Variants in CSMD1 observed in about 807,000 individuals in gnomAD.
CSMD1 encodes CUB and Sushi multiple domains 1.
CSMD1 carries 213 observed loss-of-function variants against 417.5 expected under a neutral mutation model. That is an observed-to-expected ratio of 0.51 (90% CI 0.46 to 0.57). The LOEUF is 0.57. Ranked by LOEUF, CSMD1 falls within the 20% of genes least tolerant of loss-of-function variation. The pLI is 0.00. For missense variants in CSMD1, 6,923 were observed against 4,529.7 expected (o/e 1.53, Z -15.17); for synonymous variants, 2,862 against 1,736.8 (o/e 1.65, Z -16.11).
intron 5 of CSMD1, among the ~76,000 whole-genome samples, chr8:3,820,639 A>T (rs117244857): frequency 0.013 from 1,905 of 152,314 alleles, 18 homozygotes; most frequent in Non-Finnish European, 0.016. Context: ...GTAGTGGCGT[A>T]ATCTCGGCTC....
chr8:3,610,052 A>G (rs1801815447), intron 8 of CSMD1, among the ~76,000 whole-genome samples: 2 of 151,830 alleles, frequency 1.3e-5, no homozygotes, highest in African/African-American at 2.4e-5. Context: ...CACCCACCTT[A>G]GCCTACAGCA....
intron 5 of CSMD1, among the ~76,000 whole-genome samples, chr8:3,867,497 C>A (rs1056346502): frequency 6.6e-6 from 1 of 152,020 alleles, no homozygotes; most frequent in Admixed American, 6.6e-5. Context: ...AAGAGGGTGT[C>A]AGAATAAAAC....
intron 3 of CSMD1, among the ~76,000 whole-genome samples, chr8:4,381,961 G>C (rs942937900): frequency 2.6e-5 from 4 of 152,088 alleles, no homozygotes; most frequent in African/African-American, 7.2e-5. Context: ...ACTGCACTAA[G>C]TGGACACTCT....
rs1373841836 is a variant in CSMD1, at chr8:3,623,695, G to A, written c.1010-6898C>T. On this transcript the variant is annotated intron_variant, in intron 7 of 69. Coordinates refer to ENST00000635120, the MANE Select transcript of CSMD1 (RefSeq NM_033225.6). Reference sequence around the variant, plus strand: ...GAGTTAAGAATGAGCTGACTCCAGGGCCGGGCGTGGGGGCTCATGCCTGTA... The same window carrying A: ...GAGTTAAGAATGAGCTGACTCCAGGACCGGGCGTGGGGGCTCATGCCTGTA... 4.6e-5 allele frequency among the ~76,000 whole-genome samples: 7 copies of A among 152,234 alleles called. No homozygotes were observed. In the South Asian group the frequency reaches 1.5e-3, roughly 32 times the overall value.
At chr8:4,419,749 G>T (rs1273203608) in intron 3 of CSMD1, among the ~76,000 whole-genome samples, 1 of 152,136 alleles carries the variant, frequency 6.6e-6, no homozygotes, top group African/African-American at 2.4e-5. Flanking sequence ...GTGATAAGAA[G>T]AAAATTGTGA....
chr8:3,227,433 G>T (rs17079664), intron 27 of CSMD1, among the ~76,000 whole-genome samples: 14,579 of 152,042 alleles, frequency 0.096, 889 homozygotes, highest in East Asian at 0.17. Flanking sequence ...TTAAAAGTCC[G>T]AGAAATATGC....
intron 5 of CSMD1, among the ~76,000 whole-genome samples, chr8:3,941,216 A>G (rs955707618): frequency 6.6e-6 from 1 of 152,152 alleles, no homozygotes; most frequent in African/African-American, 2.4e-5. Flanking sequence ...GAACAATTCA[A>G]AAGTTCCTAG....
At chr8:4,650,347 GA>G (rs61642390) in intron 1 of CSMD1, among the ~76,000 whole-genome samples, 6,934 of 78,268 alleles carry the variant, frequency 0.089, 181 homozygotes, top group Middle Eastern at 0.15. Context: ...TCCGTCTCAA[GA>G]AAAAAAAAAA....
At chr8:3,491,545 G>C (rs1246877206) in intron 11 of CSMD1, among the ~76,000 whole-genome samples, 1 of 152,142 alleles carries the variant, frequency 6.6e-6, no homozygotes, top group Non-Finnish European at 1.5e-5. Flanking sequence ...AGTTGGAATG[G>C]GCCAGCAGGA....
chr8:4,572,147 G>A (rs185184449), intron 2 of CSMD1, among the ~76,000 whole-genome samples: 4 of 152,288 alleles, frequency 2.6e-5, no homozygotes, highest in African/African-American at 7.2e-5. Flanking sequence ...GTGTGAATTC[G>A]AACCTGTCAT....
At chr8:3,045,891 G>A (rs969815669) in intron 50 of CSMD1, among the ~76,000 whole-genome samples, 1 of 152,100 alleles carries the variant, frequency 6.6e-6, no homozygotes, top group Admixed American at 6.5e-5. Flanking sequence ...ATTAACTTGT[G>A]TAAAGCTATT....
intron 3 of CSMD1, among the ~76,000 whole-genome samples, chr8:4,285,764 T>G (rs1238274299): frequency 6.6e-6 from 1 of 152,180 alleles, no homozygotes; most frequent in Non-Finnish European, 1.5e-5. Context: ...CAAAATAGCT[T>G]TGTTAAGACA....
chr8:4,774,362 T>A (rs939419824), intron 1 of CSMD1, among the ~76,000 whole-genome samples: 1 of 152,122 alleles, frequency 6.6e-6, no homozygotes, highest in South Asian at 2.1e-4. Flanking sequence ...ATGAGTAAGA[T>A]CAGAGAACCA....
At chr8:3,643,440 C>G (rs953216783) in intron 7 of CSMD1, among the ~76,000 whole-genome samples, 1 of 152,110 alleles carries the variant, frequency 6.6e-6, no homozygotes, top group African/African-American at 2.4e-5. Context: ...CCGTGGCTCA[C>G]GCCTGTAATC....
intron 5 of CSMD1, among the ~76,000 whole-genome samples, chr8:3,758,637 T>C (rs1381812977): frequency 6.6e-6 from 1 of 152,212 alleles, no homozygotes; most frequent in Non-Finnish European, 1.5e-5. Flanking sequence ...AATTGTGAAC[T>C]CTCTAACAAC....
At position 4,640,734 on chromosome 8, in the gene CSMD1, C is replaced by T. The variant is rs376778881; in HGVS notation, c.86-3176G>A. ...TTCAACATGTTGTTTAACATGAATC[C>T]CTTGTAAGTACCTTTGTAATTTGTA... On this transcript the variant is annotated intron_variant, in intron 1 of 69. Transcript: ENST00000635120. Among the ~76,000 whole-genome samples the T allele has an allele frequency of 3.4e-4, 51 of 151,654 alleles. 1 individual carries two copies. Among genetic ancestry groups the T allele is most frequent in the South Asian group, 1.9e-3 (9 of 4,804 alleles).
intron 6 of CSMD1, among the ~76,000 whole-genome samples, chr8:3,712,077 G>A (rs1801540140): frequency 6.6e-6 from 1 of 152,140 alleles, no homozygotes; most frequent in Non-Finnish European, 1.5e-5. Flanking sequence ...GGGAATATAT[G>A]TATTTATTTA....
intron 3 of CSMD1, among the ~76,000 whole-genome samples, chr8:4,032,836 T>C (rs1797418013): frequency 6.6e-6 from 1 of 152,166 alleles, no homozygotes; most frequent in East Asian, 1.9e-4. Context: ...ACACATCCTC[T>C]CAGCCAGGGT....
chr8:4,455,897 C>G (rs541684060), intron 2 of CSMD1, among the ~76,000 whole-genome samples: 5 of 112,754 alleles, frequency 4.4e-5, no homozygotes, highest in African/African-American at 1.0e-4. Context: ...CCACTGCAAT[C>G]CAGCCTGGGT....
Sources: gnomAD v4.1 joint callset for allele counts (sites outside exome capture counted in the v4.1 genomes callset) on GRCh38, gnomAD v4.1.1 for gene constraint, MANE v1.5 for transcripts, NCBI Gene and HGNC (gene_info 2026-07-23, HGNC 2026-07-21) for gene names.